Variants in SOX5 observed in about 807,000 individuals in gnomAD.
The protein encoded by SOX5 is SRY-box transcription factor 5, also known as transcription factor SOX-5.
SOX5 carries 9 observed loss-of-function variants against 92.0 expected under a neutral mutation model. That is an observed-to-expected ratio of 0.10 (90% CI 0.06 to 0.17). The LOEUF (loss-of-function observed/expected upper bound fraction) is 0.17. Ranked by LOEUF, SOX5 falls within the 10% of genes least tolerant of loss-of-function variation. The pLI is 1.00. For missense variants in SOX5, 642 were observed against 944.5 expected (o/e 0.68, Z 4.20); for synonymous variants, 344 against 336.3 (o/e 1.02, Z -0.25).
intron 2 of SOX5, among the ~76,000 whole-genome samples, chr12:23,885,294 A>G (rs1488182398): frequency 6.6e-6 from 1 of 152,174 alleles, no homozygotes; most frequent in East Asian, 1.9e-4. Context: ...CGTGGCACCT[A>G]GTTTCTATTT....
chr12:24,045,220 C>G (rs1231846171), intron 4 of SOX5, among the ~76,000 whole-genome samples: 1 of 152,164 alleles, frequency 6.6e-6, no homozygotes, highest in Non-Finnish European at 1.5e-5. Flanking sequence ...TACTTCACCT[C>G]CCAGTGCTTT....
At chr12:23,663,442 C>G (rs1027280406) in intron 7 of SOX5, among the ~76,000 whole-genome samples, 1 of 152,082 alleles carries the variant, frequency 6.6e-6, no homozygotes, top group African/African-American at 2.4e-5. Flanking sequence ...GTGTTCTTGA[C>G]CTTTTCCAGG....
At chr12:24,144,701 C>T (rs1355492449) in intron 4 of SOX5, among the ~76,000 whole-genome samples, 1 of 151,940 alleles carries the variant, frequency 6.6e-6, no homozygotes, top group Non-Finnish European at 1.5e-5. Flanking sequence ...TGGAAGCGCA[C>T]ACCTGCAGTC....
intron 4 of SOX5, among the ~76,000 whole-genome samples, chr12:24,141,971 T>A (rs1950628287): frequency 6.6e-6 from 1 of 151,984 alleles, no homozygotes; most frequent in African/African-American, 2.4e-5. Context: ...CCTTACAAAG[T>A]CTGCTTGAGG....
chr12:23,714,654 C>T (rs2092346942), intron 6 of SOX5, among the ~76,000 whole-genome samples: 1 of 152,084 alleles, frequency 6.6e-6, no homozygotes, highest in Non-Finnish European at 1.5e-5. Flanking sequence ...AAACCCACAA[C>T]AGTATGTCTA....
chr12:23,792,783 A>G (rs1328227223), intron 3 of SOX5, among the ~76,000 whole-genome samples: 2 of 151,820 alleles, frequency 1.3e-5, no homozygotes, highest in Non-Finnish European at 2.9e-5. Flanking sequence ...CTGTTGTGGT[A>G]TCTGTCTTTC....
At chr12:24,424,808 T>TGC (rs1555286244) in intron 1 of SOX5, among the ~76,000 whole-genome samples, 1 of 138,376 alleles carries the variant, frequency 7.2e-6, no homozygotes, top group African/African-American at 2.7e-5. Flanking sequence ...GTTTTTTTTT[T>TGC]GGGGGGGGGG....
intron 1 of SOX5, among the ~76,000 whole-genome samples, chr12:23,927,358 T>G (rs142122051): frequency 2.0e-5 from 3 of 152,180 alleles, no homozygotes; most frequent in Middle Eastern, 3.4e-3. Context: ...TCATTCTTCA[T>G]CACTATCTCT....
chr12:24,560,079 C>T (rs1804660148), intron 1 of SOX5, among the ~76,000 whole-genome samples: 1 of 151,998 alleles, frequency 6.6e-6, no homozygotes, highest in African/African-American at 2.4e-5. Flanking sequence ...ACTACCCACT[C>T]AAAAAGGCTA....
chr12:23,976,749 G>A (rs1387121550), intron 4 of SOX5, among the ~76,000 whole-genome samples: 5 of 151,870 alleles, frequency 3.3e-5, no homozygotes, highest in African/African-American at 7.2e-5. Context: ...CATCAGTCCC[G>A]CTGATAACTC....
intron 1 of SOX5, among the ~76,000 whole-genome samples, chr12:24,473,928 C>T (rs1265094437): frequency 6.6e-6 from 1 of 152,140 alleles, no homozygotes; most frequent in African/African-American, 2.4e-5. Flanking sequence ...ACAGGCAATG[C>T]TCAGCAAAAC....
intron 1 of SOX5, among the ~76,000 whole-genome samples, chr12:23,906,765 A>G (rs1022140490): frequency 5.3e-5 from 8 of 152,174 alleles, no homozygotes; most frequent in Non-Finnish European, 1.0e-4. Context: ...TATAAGTACA[A>G]TTTTTCTGAC....
intron 3 of SOX5, among the ~76,000 whole-genome samples, chr12:24,240,011 T>C (rs553506880): frequency 6.6e-6 from 1 of 152,288 alleles, no homozygotes; most frequent in South Asian, 2.1e-4. Flanking sequence ...ATGTATCTTT[T>C]TACATACATA....
intron 4 of SOX5, among the ~76,000 whole-genome samples, chr12:24,089,512 C>T (rs1944395977): frequency 2.0e-5 from 3 of 152,138 alleles, no homozygotes; most frequent in Admixed American, 2.0e-4. Context: ...TTTATACATT[C>T]AGGAACAGAA....
intron 2 of SOX5, among the ~76,000 whole-genome samples, chr12:23,855,428 A>T (rs181900536): frequency 1.8e-4 from 27 of 152,208 alleles, no homozygotes; most frequent in Admixed American, 4.6e-4. Context: ...CAAAGAAAAG[A>T]TGTTCAGTTA....
chr12:23,970,955 C>A (rs974122046), intron 4 of SOX5, among the ~76,000 whole-genome samples: 7 of 145,754 alleles, frequency 4.8e-5, no homozygotes, highest in African/African-American at 1.5e-4. Context: ...ACTTGGCTCA[C>A]AATGGTAATA....
chr12:24,092,955 T>C (rs1944833026), intron 4 of SOX5, among the ~76,000 whole-genome samples: 1 of 152,134 alleles, frequency 6.6e-6, no homozygotes, highest in East Asian at 1.9e-4. Flanking sequence ...GACTAGAAGG[T>C]GTGAGACCAC....
intron 2 of SOX5, among the ~76,000 whole-genome samples, chr12:23,892,956 C>A (rs546867447): frequency 6.6e-6 from 1 of 152,264 alleles, no homozygotes; most frequent in East Asian, 1.9e-4. Context: ...CTACGGTGAG[C>A]TATGATTGTG....
At chr12:24,036,391 A>C (rs1406003593) in intron 4 of SOX5, among the ~76,000 whole-genome samples, 2 of 152,140 alleles carry the variant, frequency 1.3e-5, no homozygotes, top group African/African-American at 4.8e-5. Context: ...AAATGCTCAA[A>C]TGTTTCTACA....
Sources: allele counts gnomAD v4.1 joint callset (sites outside exome capture counted in the v4.1 genomes callset), GRCh38; gene constraint gnomAD v4.1.1; transcripts MANE v1.5; gene names NCBI Gene and HGNC (gene_info 2026-07-23, HGNC 2026-07-21).